FHIT: variants seen among roughly 807,000 people sequenced by gnomAD.
The protein encoded by FHIT is fragile histidine triad diadenosine triphosphatase, also known as bis(5'-adenosyl)-triphosphatase.
A neutral mutation model predicts 17.9 loss-of-function variants in FHIT; 19 were observed. The ratio of observed to expected loss-of-function variants is 1.06; its 90% CI spans 0.74 to 1.56. FHIT has a LOEUF of 1.56. Ranked by LOEUF, FHIT falls within the 40% of genes most tolerant of loss-of-function variation. The pLI is 0.00. For synonymous variants in FHIT, 81 were observed against 69.7 expected, an observed-to-expected ratio of 1.16 and a Z score of -0.81; for missense variants, 248 against 189.2, an observed-to-expected ratio of 1.31 and a Z score of -1.82.
At chr3:60,584,635 T>C (rs1208308113) in intron 4 of FHIT, among the ~76,000 whole-genome samples, 1 of 152,044 alleles carries the variant, frequency 6.6e-6, no homozygotes, top group East Asian at 1.9e-4. Context: ...CAGAATCTTT[T>C]ATCTTCAATT....
chr3:59,927,470 A>AAAAAC (rs1553718406), intron 7 of FHIT, among the ~76,000 whole-genome samples: 2 of 145,312 alleles, frequency 1.4e-5, no homozygotes, highest in Non-Finnish European at 3.0e-5. Context: ...ACTTAAAAAA[A>AAAAAC]AAAAAAAAAA....
At chr3:60,334,760 C>G (rs554113934) in intron 5 of FHIT, among the ~76,000 whole-genome samples, 3 of 152,338 alleles carry the variant, frequency 2.0e-5, no homozygotes, top group African/African-American at 7.2e-5. Flanking sequence ...GCCCTCCAGA[C>G]TGGGCGACGC....
intron 3 of FHIT, among the ~76,000 whole-genome samples, chr3:61,035,427 C>T (rs1374301034): frequency 6.6e-6 from 1 of 152,188 alleles, no homozygotes; most frequent in Non-Finnish European, 1.5e-5. Flanking sequence ...AATTACATTA[C>T]AGTTGACACT....
At chr3:60,703,392 G>C (rs1553702728) in intron 4 of FHIT, among the ~76,000 whole-genome samples, 1 of 152,178 alleles carries the variant, frequency 6.6e-6, no homozygotes, top group Non-Finnish European at 1.5e-5. Flanking sequence ...ACGGTAATTT[G>C]TTATGGTGGT....
intron 3 of FHIT, among the ~76,000 whole-genome samples, chr3:60,961,970 T>G (rs1272659590): frequency 6.6e-6 from 1 of 152,206 alleles, no homozygotes; most frequent in Non-Finnish European, 1.5e-5. Flanking sequence ...GTGAAGGAAG[T>G]CATTGGTAGC....
intron 5 of FHIT, among the ~76,000 whole-genome samples, chr3:60,070,405 C>G (rs1290227901): frequency 1.3e-5 from 2 of 152,170 alleles, no homozygotes; most frequent in African/African-American, 2.4e-5. Flanking sequence ...ATTTACTGAG[C>G]ACCTCAGCAT....
intron 5 of FHIT, among the ~76,000 whole-genome samples, chr3:60,276,403 T>C (rs556511733): frequency 2.6e-5 from 4 of 152,272 alleles, no homozygotes; most frequent in South Asian, 2.1e-4. Flanking sequence ...CACAAGCGTT[T>C]TTCTCAAAGC....
chr3:60,519,009 AATT>A (rs2035262470), intron 5 of FHIT, among the ~76,000 whole-genome samples: 1 of 152,224 alleles, frequency 6.6e-6, no homozygotes, highest in Non-Finnish European at 1.5e-5. Flanking sequence ...TCTAAAAAAC[AATT>A]ATTTTTTACA....
chr3:59,829,524 T>C (rs1250241498), intron 8 of FHIT, among the ~76,000 whole-genome samples: 1 of 152,194 alleles, frequency 6.6e-6, no homozygotes, highest in Non-Finnish European at 1.5e-5. Flanking sequence ...ATAGCACTGA[T>C]AGCATGCATG....
intron 5 of FHIT, among the ~76,000 whole-genome samples, chr3:60,173,915 A>ATAT: frequency 1.5e-5 from 1 of 66,444 alleles, no homozygotes; most frequent in Non-Finnish European, 2.8e-5. Flanking sequence ...ATATATATAT[A>ATAT]TGTTTTTTTT....
At chr3:60,551,584 GA>G (rs2036560406) in intron 4 of FHIT, among the ~76,000 whole-genome samples, 1 of 75,298 alleles carries the variant, frequency 1.3e-5, no homozygotes, top group African/African-American at 5.7e-5. Context: ...GGGAGGAGGG[GA>G]GGAGAGAGGA....
chr3:60,677,263 T>G (rs1296152059), intron 4 of FHIT, among the ~76,000 whole-genome samples: 1 of 152,210 alleles, frequency 6.6e-6, no homozygotes, highest in Admixed American at 6.5e-5. Flanking sequence ...GGGCTTTTAA[T>G]GTAATCAACA....
chr3:59,824,608 C>CT (rs1323459400), intron 8 of FHIT, among the ~76,000 whole-genome samples: 1 of 152,142 alleles, frequency 6.6e-6, no homozygotes, highest in Non-Finnish European at 1.5e-5. Context: ...TACTACATTC[C>CT]TTTTGCATTC....
At chr3:60,524,025 C>G (rs1375701922) in intron 5 of FHIT, among the ~76,000 whole-genome samples, 1 of 152,126 alleles carries the variant, frequency 6.6e-6, no homozygotes, top group Non-Finnish European at 1.5e-5. Flanking sequence ...ATCTTTAGAG[C>G]TAAAAAGCCA....
intron 5 of FHIT, among the ~76,000 whole-genome samples, chr3:60,385,008 T>G (rs1700954591): frequency 6.6e-6 from 1 of 152,140 alleles, no homozygotes; most frequent in African/African-American, 2.4e-5. Context: ...AAAAAATATA[T>G]TATGGCAAGG....
intron 8 of FHIT, among the ~76,000 whole-genome samples, chr3:59,902,658 C>T (rs2107087624): frequency 6.6e-6 from 1 of 152,220 alleles, no homozygotes; most frequent in African/African-American, 2.4e-5. Flanking sequence ...CATGATAAAA[C>T]TAGAAGACAT....
intron 2 of FHIT, among the ~76,000 whole-genome samples, chr3:61,045,536 A>G (rs893095898): frequency 2.6e-5 from 4 of 152,166 alleles, no homozygotes; most frequent in African/African-American, 9.7e-5. Context: ...ACACAATAAT[A>G]ATGGGAGGCT....
At chr3:60,407,431 A>G (rs1021129538) in intron 5 of FHIT, among the ~76,000 whole-genome samples, 4 of 152,160 alleles carry the variant, frequency 2.6e-5, no homozygotes, top group Admixed American at 2.0e-4. Context: ...CCACTTGTTA[A>G]GGAGGATGCA....
At chr3:61,179,191 G>A (rs2038253878) in intron 2 of FHIT, among the ~76,000 whole-genome samples, 1 of 151,604 alleles carries the variant, frequency 6.6e-6, no homozygotes, top group Non-Finnish European at 1.5e-5. Context: ...TGTATTTTTA[G>A]TAGAGACGGG....
Sources: gnomAD v4.1 joint callset for allele counts (sites outside exome capture counted in the v4.1 genomes callset) on GRCh38, gnomAD v4.1.1 for gene constraint, MANE v1.5 for transcripts, NCBI Gene and HGNC (gene_info 2026-07-23, HGNC 2026-07-21) for gene names.